Variants in SETD3 observed in about 807,000 individuals in gnomAD.
SETD3 encodes the protein SET domain containing 3, actin N3(tau)-histidine methyltransferase.
A neutral mutation model predicts 63.0 loss-of-function variants in SETD3; 19 were observed. That is an observed-to-expected ratio of 0.30 (90% CI 0.21 to 0.44). The LOEUF (loss-of-function observed/expected upper bound fraction) is 0.44. Ranked by LOEUF, SETD3 falls within the 20% of genes least tolerant of loss-of-function variation. The pLI is 1.00. For synonymous variants in SETD3, 286 were observed against 264.1 expected, an observed-to-expected ratio of 1.08 and a Z score of -0.80; for missense variants, 587 against 728.5, an observed-to-expected ratio of 0.81 and a Z score of 2.24.
intron 1 of SETD3, among the ~76,000 whole-genome samples, chr14:99,467,928 G>A (rs1381572858): frequency 1.3e-5 from 2 of 152,084 alleles, no homozygotes; most frequent in African/African-American, 2.4e-5. Flanking sequence ...AACAGCAGCT[G>A]TTCCCTGGAG....
chr14:99,406,940 C>T (rs1036321642), intron 8 of SETD3, among the ~76,000 whole-genome samples: 3 of 152,244 alleles, frequency 2.0e-5, no homozygotes, highest in Non-Finnish European at 2.9e-5. Context: ...CCCACAGGTG[C>T]ACCTAAGCCT....
chr14:99,437,891 A>G (rs950881044), intron 6 of SETD3, among the ~76,000 whole-genome samples: 2 of 152,198 alleles, frequency 1.3e-5, no homozygotes, highest in African/African-American at 4.8e-5. Flanking sequence ...TTTAGATACC[A>G]GCTAACTGTA....
At chr14:99,456,956 A>C (rs1894795514) in intron 6 of SETD3, among the ~76,000 whole-genome samples, 1 of 152,256 alleles carries the variant, frequency 6.6e-6, no homozygotes, top group Non-Finnish European at 1.5e-5. Flanking sequence ...AACTAGAAGC[A>C]CATTAGTAAA....
chr14:99,423,967 T>G (rs1466416381), intron 6 of SETD3, among the ~76,000 whole-genome samples: 1 of 152,168 alleles, frequency 6.6e-6, no homozygotes, highest in East Asian at 1.9e-4. Context: ...CTCTTTTTTT[T>G]TTTTCCAGAG....
intron 6 of SETD3, among the ~76,000 whole-genome samples, chr14:99,457,569 G>A (rs1595246100): frequency 1.3e-5 from 2 of 152,168 alleles, no homozygotes; most frequent in Non-Finnish European, 2.9e-5. Flanking sequence ...CCCACTTGTC[G>A]TATCTCAAGA....
At chr14:99,429,816 T>A (rs937141898) in intron 6 of SETD3, among the ~76,000 whole-genome samples, 1 of 152,224 alleles carries the variant, frequency 6.6e-6, no homozygotes, top group Admixed American at 6.5e-5. Flanking sequence ...AAGTTACTTA[T>A]GAAAATCAAG....
At position 99,399,010 on chromosome 14, in the gene SETD3, T is replaced by C; in HGVS notation, c.1454A>G (p.Asn485Ser). 6.2e-7 allele frequency: 1 copy of C among 1,614,216 alleles called. No individual in the cohort carries two copies. The highest frequency in any genetic ancestry group is 8.5e-7 in the Non-Finnish European group (1 of 1,180,046). The change falls in exon 13 of 13, where the codon AAC becomes AGC. Residue 485 changes from asparagine to serine, a missense_variant. Coordinates refer to ENST00000331768, the MANE Select transcript of SETD3 (RefSeq NM_032233.3). ...CATCTGTTGGCGATAGTATTCCCGG[T>C]TGACAGCTGCACTCTTTACTGCTTT... is the stretch of plus-strand genomic sequence containing the variant. ...LEKAVKSAAV[N>S]REYYRQQMEE...
chr14:99,466,245 C>T (rs1436636548), intron 1 of SETD3, among the ~76,000 whole-genome samples: 1 of 152,210 alleles, frequency 6.6e-6, no homozygotes, highest in East Asian at 1.9e-4. Context: ...ATAACTGTAT[C>T]ATAAGCAACT....
intron 8 of SETD3, chr14:99,411,644 A>G (rs928505655): frequency 2.6e-5 from 4 of 152,262 alleles, no homozygotes; most frequent in African/African-American, 9.6e-5. Flanking sequence ...AAAGAAGAAG[A>G]AAAACACTAC....
intron 10 of SETD3, 106 bp from the exon 11 acceptor site, chr14:99,404,416 C>T (rs1274017668): frequency 1.0e-6 from 1 of 1,001,012 alleles, no homozygotes; most frequent in East Asian, 2.5e-5. Context: ...TCAAGGAGAG[C>T]TGAGCTGGAA....
At chr14:99,403,682 A>G (rs1405914475) in intron 11 of SETD3, among the ~76,000 whole-genome samples, 1 of 152,220 alleles carries the variant, frequency 6.6e-6, no homozygotes, top group African/African-American at 2.4e-5. Flanking sequence ...AAGAGGCTGT[A>G]GCCAGGAACA....
At chr14:99,481,377 T>G (rs1410342394), upstream of SETD3, 11 of 398,350 alleles carry the variant, frequency 2.8e-5, no homozygotes, top group East Asian at 3.9e-4. Flanking sequence ...CTTGGTGGCG[T>G]CTCAGGACGC....
At chr14:99,469,062 TA>T (rs1895552022) in intron 1 of SETD3, among the ~76,000 whole-genome samples, 1 of 152,218 alleles carries the variant, frequency 6.6e-6, no homozygotes, top group African/African-American at 2.4e-5. Context: ...GACAGACCAT[TA>T]AAAATATGGT....
At chr14:99,459,278 A>C in intron 4 of SETD3, 93 bp from the exon 5 acceptor site, 1 of 821,974 alleles carries the variant, frequency 1.2e-6, no homozygotes, top group Non-Finnish European at 2.0e-6. Context: ...TCACACATGA[A>C]GTACAACTTA....
At chr14:99,461,386 C>CAT (rs1895053931) in intron 3 of SETD3, 46 bp from the exon 4 acceptor site, 110 of 1,576,566 alleles carry the variant, frequency 7.0e-5, no homozygotes, top group Non-Finnish European at 9.5e-5. Flanking sequence ...TTTTAGGACA[C>CAT]ATATCATTCA....
In SETD3 at chr14:99,473,160, A is replaced by G. The variant is rs540621747; in HGVS notation, c.-8-7347T>C. ...TCAATTATTATTTAAAGTGCTGACTAATATACAGGGGCATCTGTAATCAAC... is the reference window on the plus strand; with the variant it reads ...TCAATTATTATTTAAAGTGCTGACTGATATACAGGGGCATCTGTAATCAAC... On this transcript the variant is annotated intron_variant, in intron 1 of 12. Coordinates refer to ENST00000331768, the MANE Select transcript of SETD3 (RefSeq NM_032233.3). Among the ~76,000 whole-genome samples the G allele has an allele frequency of 1.1e-4, 17 of 152,356 alleles. 1 individual carries two copies. In the South Asian group the frequency reaches 3.5e-3, roughly 32 times the overall value.
At chr14:99,438,967 T>C (rs1893640061) in intron 6 of SETD3, among the ~76,000 whole-genome samples, 1 of 152,264 alleles carries the variant, frequency 6.6e-6, no homozygotes, top group East Asian at 1.9e-4. Flanking sequence ...AACATATTTA[T>C]ATTCATGATA....
upstream of SETD3, chr14:99,481,557 C>T (rs900401847): frequency 1.7e-4 from 69 of 398,314 alleles, no homozygotes; most frequent in Non-Finnish European, 2.7e-4. Flanking sequence ...TGGCCAACCG[C>T]CGCTATCCAC....
intron 1 of SETD3, among the ~76,000 whole-genome samples, chr14:99,474,736 A>G (rs1463333537): frequency 6.6e-6 from 1 of 152,202 alleles, no homozygotes; most frequent in Non-Finnish European, 1.5e-5. Context: ...AAGCTGAGGT[A>G]CAAGAATCAC....
Sources: gnomAD v4.1 joint callset for allele counts (sites outside exome capture counted in the v4.1 genomes callset) on GRCh38, gnomAD v4.1.1 for gene constraint, MANE v1.5 for transcripts, NCBI Gene and HGNC (gene_info 2026-07-23, HGNC 2026-07-21) for gene names.